ANKAR: variants seen among roughly 807,000 people sequenced by gnomAD.
The protein encoded by ANKAR is ankyrin and armadillo repeat-containing protein.
In ANKAR, 136 loss-of-function variants were observed where a neutral mutation model predicts 146.2. The ratio of observed to expected loss-of-function variants is 0.93; its 90% CI spans 0.81 to 1.07. ANKAR has a LOEUF of 1.07. Among genes scored for constraint, ANKAR ranks in the 50% least tolerant of loss-of-function variants. The pLI, the probability that ANKAR is intolerant of heterozygous loss-of-function variation, is 0.00. For missense variants in ANKAR, 1,567 were observed against 1,679.9 expected (o/e 0.93, Z 1.18); for synonymous variants, 500 against 575.8 (o/e 0.87, Z 1.88).
At chr2:189,746,781 G>A (rs1310265627), downstream of ANKAR, 2 of 837,404 alleles carry the variant, frequency 2.4e-6, no homozygotes, top group Non-Finnish European at 3.4e-6. Context: ...CATGTCTACA[G>A]GAATTTAGTG....
rs761420999 is a variant in ANKAR, at chr2:189,711,124, A to T, written c.2195A>T (p.Asp732Val). 2.5e-6 allele frequency: 4 copies of T among 1,614,084 alleles called. No individual in the cohort carries two copies. The Admixed American group carries it at 6.7e-5, about 27-fold the overall frequency. The change falls in exon 10 of 23, where the codon GAT (aspartate) becomes GTT (valine). Residue 732 changes from aspartate to valine, a missense_variant. Transcript: ENST00000684021. ...TTGGAAGTAATTTGCTTAGCAAATG[A>T]TCAATACTGGAGATGTATTTTGGAT... ...MSLEVICLAN[D>V]QYWRCILDAG...
Position 189,738,647 on chromosome 2 carries a change from T to G in ANKAR, c.3665T>G (p.Leu1222Arg). The G allele has an allele frequency of 6.2e-7, 1 of 1,611,284 alleles. No homozygotes were observed. The highest frequency in any genetic ancestry group is 8.5e-7 in the Non-Finnish European group (1 of 1,178,154). The change falls in exon 19 of 23, where the codon CTG becomes CGG. Residue 1222 changes from leucine (L) to arginine (R), a missense_variant. Transcript: ENST00000684021. ...GGTGTTACTATTTTAGTTGATAGTC[T>G]GTATTCAGTTCAGACTTCTACTATT... is the stretch of plus-strand genomic sequence containing the variant. ...ARGVTILVDS[L>R]YSVQTSTIVL...
chr2:189,709,127 G>A (rs1423419456), intron 9 of ANKAR, among the ~76,000 whole-genome samples: 3 of 132,258 alleles, frequency 2.3e-5, no homozygotes, highest in Admixed American at 7.7e-5. Context: ...AATAAATAAG[G>A]AAATTACCTG....
intron 13 of ANKAR, 56 bp from the exon 14 acceptor site, chr2:189,728,211 A>G: frequency 3.3e-6 from 5 of 1,518,148 alleles, no homozygotes; most frequent in Middle Eastern, 1.8e-4. Context: ...TAAAATATGC[A>G]TTCCTAAAAT....
intron 7 of ANKAR, among the ~76,000 whole-genome samples, chr2:189,698,094 T>C (rs989482793): frequency 2.6e-5 from 4 of 152,120 alleles, no homozygotes; most frequent in Non-Finnish European, 5.9e-5. Context: ...TCATCCAAAG[T>C]AGAGGTAAAA....
At position 189,746,360 on chromosome 2, in the gene ANKAR, T is replaced by C. The variant is rs201267055; in HGVS notation, c.4058-20T>C. ...ACCTAGGGCTCTCAGGAGAGACATT[T>C]AATTGTGGCTAATTTTTAGGGAAGG... On this transcript the variant is annotated intron_variant, in intron 22 of 22. Transcript: ENST00000684021. The C allele has an allele frequency of 1.3e-3, 2,025 of 1,591,676 alleles. 9 individuals are homozygous for C. In the Middle Eastern group the frequency reaches 0.027, roughly 21 times the overall value.
intron 3 of ANKAR, among the ~76,000 whole-genome samples, chr2:189,690,443 C>T (rs2036213581): frequency 1.3e-5 from 2 of 151,970 alleles, no homozygotes; most frequent in Non-Finnish European, 2.9e-5. Context: ...TAAATGAGGG[C>T]AGTATTGGCA....
intron 20 of ANKAR, 152 bp from the exon 21 acceptor site, chr2:189,743,123 T>C (rs1312965675): frequency 3.0e-6 from 2 of 671,390 alleles, no homozygotes; most frequent in African/African-American, 3.6e-5. Context: ...GCAGTTAAGC[T>C]TCCGTCTATA....
chr2:189,735,257 A>G (rs1439010627), intron 17 of ANKAR, among the ~76,000 whole-genome samples: 1 of 152,118 alleles, frequency 6.6e-6, no homozygotes, highest in African/African-American at 2.4e-5. Flanking sequence ...CATTTGGCTT[A>G]TAATAGATTT....
intron 10 of ANKAR, among the ~76,000 whole-genome samples, chr2:189,716,478 T>C (rs547809502): frequency 6.6e-6 from 1 of 152,050 alleles, no homozygotes; most frequent in Non-Finnish European, 1.5e-5. Context: ...TGCTCATGGA[T>C]AGGAAGAATC....
intron 7 of ANKAR, among the ~76,000 whole-genome samples, chr2:189,697,495 C>T (rs1482186946): frequency 6.6e-6 from 1 of 151,918 alleles, no homozygotes; most frequent in South Asian, 2.1e-4. Flanking sequence ...TTGCTTTAAC[C>T]GTATTGAATA....
At chr2:189,745,975 T>A (rs1220486952) in intron 22 of ANKAR, among the ~76,000 whole-genome samples, 1 of 152,208 alleles carries the variant, frequency 6.6e-6, no homozygotes, top group African/African-American at 2.4e-5. Context: ...AACCTGTTTA[T>A]CAGTCATGAT....
Position 189,730,456 on chromosome 2 carries a change from T to C in ANKAR, c.3194-39T>C, listed in dbSNP as rs371506453. On this transcript the variant is annotated intron_variant, in intron 15 of 22. Transcript: ENST00000684021. ...ATGTTTGACTTTACCATTTGTAAGA[T>C]GGAAAAAAATATTACCTCACTGGCG... 84 of 1,309,838 alleles carry C rather than the reference T, an allele frequency of 6.4e-5. 1 individual carries two copies. Among genetic ancestry groups the C allele is most frequent in the East Asian group, 1.0e-4 (4 of 40,072 alleles). The allele number at this position is 1,309,838 out of a possible 1,614,324, so 81.1% of individuals were successfully genotyped here. A position where few individuals can be genotyped will look rare whatever the true frequency, so the allele number is the denominator to read the frequency against.
chr2:189,754,892 G>A (rs371742249), intron 18 of ANKAR: 45 of 373,320 alleles, frequency 1.2e-4, no homozygotes, highest in African/African-American at 7.5e-4. Flanking sequence ...TACGAAGCAC[G>A]TTCTTTCACA....
At chr2:189,751,444 G>GTTTT (rs779920289), downstream of ANKAR, among the ~76,000 whole-genome samples, 4 of 126,142 alleles carry the variant, frequency 3.2e-5, no homozygotes, top group Non-Finnish European at 3.3e-5. Context: ...GACAAGTTGT[G>GTTTT]TTTTTTTTTT....
chr2:189,678,272 C>T (rs1349804884), intron 2 of ANKAR, among the ~76,000 whole-genome samples: 1 of 152,040 alleles, frequency 6.6e-6, no homozygotes, highest in African/African-American at 2.4e-5. Flanking sequence ...CTTTTGCCCA[C>T]TTTTTGATGG....
chr2:189,736,490 G>T (rs2042844108), intron 17 of ANKAR, among the ~76,000 whole-genome samples: 1 of 73,474 alleles, frequency 1.4e-5, no homozygotes, highest in African/African-American at 3.9e-5. Context: ...TGCCTATTTA[G>T]GTGACTGGGT....
At chr2:189,753,945 CTCTCTGCTTACAA>C in intron 18 of ANKAR, 1 of 1,613,678 alleles carries the variant, frequency 6.2e-7, no homozygotes, top group South Asian at 1.1e-5. Context: ...GGTAACAAGT[CTCTCTGCTTACAA>C]AACAGAATAG....
In ANKAR at chr2:189,712,952, A is replaced by G. The variant is rs1043550536; in HGVS notation, c.2224+1799A>G. Among the ~76,000 whole-genome samples, 7 of 152,224 alleles carry G rather than the reference A, an allele frequency of 4.6e-5. No homozygotes were observed. In the East Asian group the frequency reaches 5.8e-4, roughly 13 times the overall value. On this transcript the variant is annotated intron_variant, in intron 10 of 22. Transcript: ENST00000684021. ...AAATGACCAGATGGAGCTGAAAACC[A>G]TGGCACGAGAACCATGTGAGGCATG...
Sources: allele counts gnomAD v4.1 joint callset (sites outside exome capture counted in the v4.1 genomes callset), GRCh38; gene constraint gnomAD v4.1.1; transcripts MANE v1.5; gene names NCBI Gene and HGNC (gene_info 2026-07-23, HGNC 2026-07-21).